The following GRID2IP variants were observed in gnomAD, a reference collection of about 807,000 sequenced individuals.
GRID2IP encodes Grid2 interacting protein.
Under a neutral mutation model 114.3 loss-of-function variants are expected in GRID2IP, and 78 were observed. That is an observed-to-expected ratio of 0.68 (90% confidence interval 0.57 to 0.82). GRID2IP has a LOEUF of 0.82. Ranked by LOEUF, GRID2IP falls within the 40% of genes least tolerant of loss-of-function variation. The pLI, the probability that GRID2IP is intolerant of heterozygous loss-of-function variation, is 0.00. For missense variants in GRID2IP, 1,727 were observed against 1,678.5 expected (o/e 1.03, Z -0.51); for synonymous variants, 809 against 724.0 (o/e 1.12, Z -1.89).
In GRID2IP at chr7:6,510,537, T is replaced by C. The variant is rs1786746563; in HGVS notation, c.1653+72A>G. 14 of 1,346,258 alleles carry C rather than the reference T, an allele frequency of 1.0e-5. No individual in the cohort carries two copies. In the South Asian group the frequency reaches 1.9e-4, roughly 18 times the overall value. The allele number at this position is 1,346,258 out of a possible 1,614,324, so 83.4% of individuals were successfully genotyped here. On this transcript the variant is annotated intron_variant, in intron 10 of 21. Coordinates refer to ENST00000457091, the MANE Select transcript of GRID2IP (RefSeq NM_001145118.2). ...CAGGGACGCCTTGGCCTGGGTCTCC[T>C]GGGCCCAGTCCTATGGACCGTCCAT...
In GRID2IP at chr7:6,536,971, A is replaced by T; in HGVS notation, c.584+2747T>A. 1.2e-4 allele frequency: 8 copies of T among 65,148 alleles called. No individual in the cohort carries two copies. Among genetic ancestry groups the T allele is most frequent in the Non-Finnish European group, 1.5e-4 (5 of 33,734 alleles). 4.0% of individuals were successfully genotyped at this position (65,148 alleles called of 1,614,324 possible). On this transcript the variant is annotated intron_variant, in intron 2 of 21. Coordinates refer to ENST00000457091, the MANE Select transcript of GRID2IP (RefSeq NM_001145118.2). This position sits in a 1 kb window ranked among gnomAD's most constrained non-coding sequence, Gnocchi z 5.3. ...AGTCCCTGACATTGGCCAGGCCCAG[A>T]GGGAGGGGCAGGCTGCGGGGTGAAT...
intron 1 of GRID2IP, among the ~76,000 whole-genome samples, chr7:6,547,766 G>T (rs114064402): frequency 6.6e-6 from 1 of 152,132 alleles, no homozygotes; most frequent in Non-Finnish European, 1.5e-5. Flanking sequence ...TAGGGTACAT[G>T]ATGGAGGAGA....
In GRID2IP at chr7:6,513,295, G is replaced by A. The variant is rs141158190; in HGVS notation, c.1423+1080C>T. Reference sequence around the variant, plus strand: ...AGTAGCTTGATCATAGCTCACTGCAGCCTTGATCTCCTGCACTCAAGCCAT... The same window carrying A: ...AGTAGCTTGATCATAGCTCACTGCAACCTTGATCTCCTGCACTCAAGCCAT... On this transcript the variant is annotated intron_variant, in intron 8 of 21. Coordinates refer to ENST00000457091, the MANE Select transcript of GRID2IP (RefSeq NM_001145118.2). Among the ~76,000 whole-genome samples the A allele has an allele frequency of 1.9e-4, 29 of 150,548 alleles. 2 individuals carry two copies. The East Asian group carries it at 5.7e-3, about 29-fold the overall frequency.
Position 6,506,013 on chromosome 7 carries a change from G to T in GRID2IP, c.2545-106C>A. The T allele has an allele frequency of 1.4e-6, 1 of 715,722 alleles. No homozygotes were observed. The highest frequency in any genetic ancestry group is 1.7e-5 in the South Asian group (1 of 58,566). The allele number at this position is 715,722 out of a possible 1,614,324, so 44.3% of individuals were successfully genotyped here. On this transcript the variant is annotated intron_variant, in intron 13 of 21. Coordinates refer to ENST00000457091, the MANE Select transcript of GRID2IP (RefSeq NM_001145118.2). The surrounding 1 kb of genome is among the most constrained non-coding windows in gnomAD (Gnocchi z 5.2). ...TGCCATAGGGGCTTCCCGAGCAAAA[G>T]CACCCATCAGGTGCTGGGATAAAGC... is the stretch of plus-strand genomic sequence containing the variant.
intron 2 of GRID2IP, among the ~76,000 whole-genome samples, chr7:6,529,525 C>A (rs1460534628): frequency 6.6e-6 from 1 of 152,234 alleles, no homozygotes; most frequent in Non-Finnish European, 1.5e-5. Flanking sequence ...GAAGGTTGGG[C>A]AGCCCTTTCC....
Position 6,509,244 on chromosome 7 carries a change from A to G in GRID2IP, c.1841T>C (p.Leu614Pro). The G allele has an allele frequency of 6.6e-7, 1 of 1,522,030 alleles. No homozygotes were observed. The highest frequency in any genetic ancestry group is 1.4e-5 in the African/African-American group (1 of 72,348). The allele number at this position is 1,522,030 out of a possible 1,614,324, so 94.3% of individuals were successfully genotyped here. A position where few individuals can be genotyped will look rare whatever the true frequency, so the allele number is the denominator to read the frequency against. ...RLLPSPCYHP[L>P]CSGGLASPSS... ...GGGGGAGGCCAGACCCCCCGAACAC[A>G]GCGGGTGGTAGCAGGGGGAGGGCAA... The change falls in exon 12 of 22, where the codon CTG becomes CCG. Residue 614 changes from leucine (L) to proline (P), a missense_variant. By Grantham distance (98) the Leu-to-Pro change is moderately conservative. Coordinates refer to ENST00000457091, the MANE Select transcript of GRID2IP (RefSeq NM_001145118.2). This position sits in a 1 kb window ranked among gnomAD's most constrained non-coding sequence, Gnocchi z 4.9.
Position 6,498,177 on chromosome 7 carries a change from G to C in GRID2IP, c.3451C>G (p.Arg1151Gly). ...TTGCCCAGCTCCTCCATGGCCTCGC[G>C]CTGCAGCCCGTCGAGCGCCCGAAGT... ...PALRALDGLQREAMEELGKAL... is the reference protein window; with the variant it reads ...PALRALDGLQGEAMEELGKAL... Residue 1151 changes from arginine (R) to glycine (G), a missense_variant, in exon 21 of 22, where the codon CGC becomes GGC. Coordinates refer to ENST00000457091, the MANE Select transcript of GRID2IP (RefSeq NM_001145118.2). 6.4e-7 allele frequency: 1 copy of C among 1,551,086 alleles called. No individual in the cohort carries two copies.
intron 2 of GRID2IP, among the ~76,000 whole-genome samples, chr7:6,529,961 CTTTT>C (rs71008398): frequency 8.9e-6 from 1 of 111,838 alleles, no homozygotes; most frequent in Non-Finnish European, 1.7e-5. Flanking sequence ...CTCTCTCTCT[CTTTT>C]TTTTTTTTTT....
rs1379276275 is a variant in GRID2IP, at chr7:6,510,789, G to C, written c.1556-83C>G. The C allele has an allele frequency of 4.1e-6, 6 of 1,468,706 alleles. No individual in the cohort carries two copies. In the African/African-American group the frequency reaches 7.1e-5, roughly 17 times the overall value. 91.0% of individuals were successfully genotyped at this position (1,468,706 alleles called of 1,614,324 possible). On this transcript the variant is annotated intron_variant, in intron 9 of 21. Transcript: ENST00000457091. Reference sequence around the variant, plus strand: ...GAACCAACATGCCCCGCAGACCCAGGAGGGCCAATCCTGAGCCCTGCTTAG... The same window carrying C: ...GAACCAACATGCCCCGCAGACCCAGCAGGGCCAATCCTGAGCCCTGCTTAG...
chr7:6,502,212 A>G, intron 18 of GRID2IP, 94 bp from the exon 19 acceptor site: 1 of 1,253,956 alleles, frequency 8.0e-7, no homozygotes, highest in Non-Finnish European at 1.1e-6. Flanking sequence ...GGCATCAATG[A>G]TGAATTCTTG....
At chr7:6,512,283 T>A (rs1345388409) in intron 8 of GRID2IP, among the ~76,000 whole-genome samples, 3 of 134,730 alleles carry the variant, frequency 2.2e-5, no homozygotes, top group African/African-American at 8.4e-5. Flanking sequence ...CAGGCTGGAG[T>A]GCAATCAAGG....
Position 6,508,431 on chromosome 7 carries a change from G to C in GRID2IP, c.2128-30C>G, listed in dbSNP as rs1284959638. ...TGGTGGGGAGAGAGGCAAGGGGAGG[G>C]TGAGGCTGGGCCCAGAGAGACTAGA... is the stretch of plus-strand genomic sequence containing the variant. On this transcript the variant is annotated intron_variant, in intron 12 of 21. Transcript: ENST00000457091. This position sits in a 1 kb window ranked among gnomAD's most constrained non-coding sequence, Gnocchi z 5.6. 2.6e-6 allele frequency: 4 copies of C among 1,550,442 alleles called. No individual in the cohort carries two copies. Among genetic ancestry groups the C allele is most frequent in the Non-Finnish European group, 2.6e-6 (3 of 1,146,942 alleles).
At chr7:6,535,223 T>G (rs1779704204) in intron 2 of GRID2IP, among the ~76,000 whole-genome samples, 1 of 151,752 alleles carries the variant, frequency 6.6e-6, no homozygotes, top group Non-Finnish European at 1.5e-5. Flanking sequence ...AGAGGCGAGG[T>G]TTCACCATGT....
intron 2 of GRID2IP, among the ~76,000 whole-genome samples, chr7:6,527,884 G>A (rs1779546009): frequency 6.6e-6 from 1 of 151,358 alleles, no homozygotes; most frequent in Non-Finnish European, 1.5e-5. Context: ...TCAGCCTCCC[G>A]AGTAGCTGGG....
chr7:6,526,316 G>C lies in GRID2IP; in HGVS notation c.834-7C>G. 1 of 1,551,354 alleles carries C rather than the reference G, an allele frequency of 6.4e-7. No homozygotes were observed. Among genetic ancestry groups the C allele is most frequent in the Non-Finnish European group, 8.7e-7 (1 of 1,146,572 alleles). On this transcript the variant is annotated splice_polypyrimidine_tract_variant and splice_region_variant and intron_variant, in intron 3 of 21. Transcript: ENST00000457091. The surrounding 1 kb of genome is among the most constrained non-coding windows in gnomAD (Gnocchi z 7.6). ...TTTGTAGACTCGGACAGTCCTGGGG[G>C]AAAAAGAAGGGGCGAGCAGCATGAT...
intron 1 of GRID2IP, among the ~76,000 whole-genome samples, chr7:6,550,801 T>C (rs6463570): frequency 0.88 from 133,745 of 151,794 alleles, 59,630 homozygotes; most frequent in African/African-American, 0.97. Flanking sequence ...GCACTCCAGC[T>C]TGGGTGACAG....
chr7:6,511,751 C>G (rs985206349), intron 8 of GRID2IP, among the ~76,000 whole-genome samples: 3 of 152,162 alleles, frequency 2.0e-5, no homozygotes, highest in African/African-American at 7.2e-5. Flanking sequence ...CTCGCTAAAA[C>G]CCTAGCAAAT....
At position 6,508,268 on chromosome 7, in the gene GRID2IP, A is replaced by T; in HGVS notation, c.2261T>A (p.Leu754His). ...CAGGGGTGGCGGTGGTGGGGGGCTG[A>T]GCGGGGGTGGGGGGATGTGGTCAGA... is the stretch of plus-strand genomic sequence containing the variant. ...SISDHIPPPP[L>H]SPPPPPPLPF... The change falls in exon 13 of 22, where the codon CTC becomes CAC. Residue 754 changes from leucine to histidine, a missense_variant. Transcript: ENST00000457091. The surrounding 1 kb of genome is among the most constrained non-coding windows in gnomAD (Gnocchi z 5.6). The T allele has an allele frequency of 2.5e-6, 1 of 395,924 alleles. No individual in the cohort carries two copies. The highest frequency in any genetic ancestry group is 3.4e-6 in the Non-Finnish European group (1 of 296,888). The allele number at this position is 395,924 out of a possible 1,614,324, so 24.5% of individuals were successfully genotyped here. A position where few individuals can be genotyped will look rare whatever the true frequency, so the allele number is the denominator to read the frequency against.
rs557860503 is a variant in GRID2IP, at chr7:6,510,920, C to T, written c.1543G>A (p.Gly515Ser). ...RSLRSQGLEA[G>S]LSCGPSECPE... Reference sequence around the variant, plus strand: ...ACACCAGCCTTACCGCAGCTGAGGCCGGCCTCCAGGCCCTGGGACCGGAGG... The same window carrying T: ...ACACCAGCCTTACCGCAGCTGAGGCTGGCCTCCAGGCCCTGGGACCGGAGG... The change falls in exon 9 of 22, where the codon GGC becomes AGC. Residue 515 changes from glycine to serine, a missense_variant. Gly to Ser is a moderately conservative substitution (Grantham distance 56, BLOSUM62 0). Coordinates refer to ENST00000457091, the MANE Select transcript of GRID2IP (RefSeq NM_001145118.2). 3.7e-5 allele frequency: 58 copies of T among 1,549,686 alleles called. No individual in the cohort carries two copies. The East Asian group carries it at 6.2e-4, about 16-fold the overall frequency.
Sources: allele counts gnomAD v4.1 joint callset (sites outside exome capture counted in the v4.1 genomes callset), GRCh38; gene constraint gnomAD v4.1.1; non-coding constraint Gnocchi (gnomAD v3.1); transcripts MANE v1.5; gene names NCBI Gene and HGNC (gene_info 2026-07-23, HGNC 2026-07-21).